The following ZNF277 variants were observed in gnomAD, a reference collection of about 807,000 sequenced individuals.
ZNF277 encodes nuclear receptor-interacting factor 4.
ZNF277 carries 55 observed loss-of-function variants against 60.7 expected under a neutral mutation model. The ratio of observed to expected loss-of-function variants is 0.91; its 90% CI spans 0.73 to 1.13. ZNF277 has a LOEUF of 1.13. Ranked by LOEUF, ZNF277 falls within the 50% of genes most tolerant of loss-of-function variation. The pLI is 0.00. For missense variants in ZNF277, 510 were observed against 523.0 expected (o/e 0.98, Z 0.24); for synonymous variants, 178 against 179.3 (o/e 0.99, Z 0.06).
rs551992786 is a variant in ZNF277, at chr7:112,294,028, A to G, written c.294-1841A>G. On this transcript the variant is annotated intron_variant, in intron 2 of 11. Coordinates refer to ENST00000361822, the MANE Select transcript of ZNF277 (RefSeq NM_021994.3). ...ATATTTCAATTTAGAGGAATAATCC[A>G]TCTTCTGTTCTAACATCTCTAATAC... Among the ~76,000 whole-genome samples, 15 of 152,360 alleles carry G rather than the reference A, an allele frequency of 9.8e-5. No homozygotes were observed. In the East Asian group the frequency reaches 2.3e-3, roughly 23 times the overall value.
At chr7:112,257,939 A>AT (rs1156469244) in intron 1 of ZNF277, among the ~76,000 whole-genome samples, 5 of 151,968 alleles carry the variant, frequency 3.3e-5, no homozygotes, top group African/African-American at 1.2e-4. Flanking sequence ...TTAGCCTTCC[A>AT]AGTAGGTAGG....
intron 1 of ZNF277, among the ~76,000 whole-genome samples, chr7:112,238,219 G>A (rs1453985461): frequency 6.6e-6 from 1 of 152,208 alleles, no homozygotes; most frequent in Non-Finnish European, 1.5e-5. Flanking sequence ...CTCAGCAGTG[G>A]CAGCTTAGCG....
intron 1 of ZNF277, among the ~76,000 whole-genome samples, chr7:112,275,098 G>A (rs1427195527): frequency 6.6e-6 from 1 of 152,136 alleles, no homozygotes; most frequent in Non-Finnish European, 1.5e-5. Flanking sequence ...GGATTTTAAT[G>A]TCTTTTTTGC....
intron 5 of ZNF277, among the ~76,000 whole-genome samples, chr7:112,324,734 G>A (rs1253947794): frequency 1.3e-5 from 2 of 152,118 alleles, no homozygotes; most frequent in African/African-American, 2.4e-5. Context: ...CAGAGAAACA[G>A]GACCAATATT....
At chr7:112,238,848 A>C (rs957113353) in intron 1 of ZNF277, among the ~76,000 whole-genome samples, 1 of 150,308 alleles carries the variant, frequency 6.7e-6, no homozygotes, top group South Asian at 2.1e-4. Context: ...GTTAGGTTAC[A>C]TGAATAAGTT....
intron 1 of ZNF277, among the ~76,000 whole-genome samples, chr7:112,245,699 T>A (rs1791067234): frequency 6.6e-6 from 1 of 152,184 alleles, no homozygotes. Context: ...CACCTTTACA[T>A]GGTGTTCTCC....
At chr7:112,219,316 A>G (rs1821967485) in intron 1 of ZNF277, among the ~76,000 whole-genome samples, 2 of 152,186 alleles carry the variant, frequency 1.3e-5, no homozygotes, top group East Asian at 1.9e-4. Flanking sequence ...AGAAACTTTT[A>G]CCCTATTTTT....
chr7:112,206,961 T>G (rs1175398464), intron 1 of ZNF277, among the ~76,000 whole-genome samples, 154 bp downstream of exon 1: 6 of 152,208 alleles, frequency 3.9e-5, no homozygotes, highest in Admixed American at 3.9e-4. Context: ...CGGGATGGGT[T>G]GGAGCCGGTG....
intron 7 of ZNF277, among the ~76,000 whole-genome samples, chr7:112,333,130 T>C (rs1008345670): frequency 6.6e-6 from 1 of 150,710 alleles, no homozygotes; most frequent in African/African-American, 2.5e-5. Context: ...TTTTAAACAA[T>C]GAATAATGAC....
intron 1 of ZNF277, among the ~76,000 whole-genome samples, chr7:112,268,791 T>C (rs530971817): frequency 7.9e-5 from 12 of 152,322 alleles, no homozygotes; most frequent in African/African-American, 2.9e-4. Flanking sequence ...TTTTTAAGAT[T>C]ACTGATTATC....
chr7:112,338,514 A>C (rs1563234378), intron 9 of ZNF277, among the ~76,000 whole-genome samples: 1 of 152,222 alleles, frequency 6.6e-6, no homozygotes, highest in Non-Finnish European at 1.5e-5. Context: ...ATATTACTGG[A>C]TGATTCTGAT....
intron 4 of ZNF277, 100 bp downstream of exon 4, chr7:112,296,411 A>T: frequency 1.7e-6 from 1 of 573,804 alleles, no homozygotes; most frequent in Non-Finnish European, 2.9e-6. Context: ...TGTTATGGAA[A>T]CTTTCAAACA....
At chr7:112,341,662 G>T (rs1793448036) in intron 11 of ZNF277, among the ~76,000 whole-genome samples, 1 of 152,302 alleles carries the variant, frequency 6.6e-6, no homozygotes, top group South Asian at 2.1e-4. Context: ...TCCTTTGCCA[G>T]AACTTTGTGG....
chr7:112,334,128 C>T (rs1173272255), intron 7 of ZNF277, among the ~76,000 whole-genome samples: 1 of 152,176 alleles, frequency 6.6e-6, no homozygotes, highest in Non-Finnish European at 1.5e-5. Context: ...GTTATTTACA[C>T]TTAAAACACT....
intron 1 of ZNF277, among the ~76,000 whole-genome samples, chr7:112,250,197 G>C (rs1161842617): frequency 6.6e-6 from 1 of 152,096 alleles, no homozygotes; most frequent in African/African-American, 2.4e-5. Flanking sequence ...AGACTGCAGA[G>C]ATGAAATAGA....
rs996655675 is a variant in ZNF277 at position 112,311,724 on chromosome 7, AAG to A, written c.466-6455_466-6454del. On this transcript the variant is annotated intron_variant, in intron 4 of 11. Transcript: ENST00000361822. ...AGAAAGAGTAAGGGAAAGAAAAAAA[AAG>A]AGGGAGAAAAGGAGGAAGGGAAGAA... is the stretch of plus-strand genomic sequence containing the variant. Among the ~76,000 whole-genome samples the A allele has an allele frequency of 5.7e-4, 86 of 152,186 alleles. 2 individuals are homozygous for A. The highest frequency in any genetic ancestry group is 2.0e-3 in the African/African-American group (83 of 41,522).
At chr7:112,272,707 T>C (rs940157628) in intron 1 of ZNF277, among the ~76,000 whole-genome samples, 2 of 152,158 alleles carry the variant, frequency 1.3e-5, no homozygotes, top group Admixed American at 6.5e-5. Context: ...TTGGCCAGGC[T>C]GGTCTCAAAC....
intron 1 of ZNF277, among the ~76,000 whole-genome samples, chr7:112,285,798 C>CCTTTAT (rs1335377760): frequency 6.6e-6 from 1 of 152,000 alleles, no homozygotes; most frequent in Non-Finnish European, 1.5e-5. Flanking sequence ...ATTAAGAAAA[C>CCTTTAT]CTTTAAAAAG....
rs760401663 is a variant in ZNF277 at position 112,206,812 on chromosome 7, G to A, written c.91+5G>A. ...TCGGGGGTGTAGGTTATGGGGGTGAGTACGGTGCCCCGGAGGCGCGGCTGA... is the reference window on the plus strand; with the variant it reads ...TCGGGGGTGTAGGTTATGGGGGTGAATACGGTGCCCCGGAGGCGCGGCTGA... On this transcript the variant is annotated splice_donor_5th_base_variant and intron_variant, in intron 1 of 11. Coordinates refer to ENST00000361822, the MANE Select transcript of ZNF277 (RefSeq NM_021994.3). 1 of 1,612,428 alleles carries A rather than the reference G, an allele frequency of 6.2e-7. No individual in the cohort carries two copies. Among genetic ancestry groups the A allele is most frequent in the Admixed American group, 1.7e-5 (1 of 59,884 alleles).
Sources: allele counts gnomAD v4.1 joint callset (sites outside exome capture counted in the v4.1 genomes callset), GRCh38; gene constraint gnomAD v4.1.1; transcripts MANE v1.5; gene names NCBI Gene and HGNC (gene_info 2026-07-23, HGNC 2026-07-21).